REV3L: variants seen among roughly 807,000 people sequenced by gnomAD.
REV3L encodes the protein DNA polymerase zeta catalytic subunit.
In REV3L, 69 loss-of-function variants were observed where a neutral mutation model predicts 299.4. The observed-to-expected ratio is 0.23, with a 90% CI of 0.19 to 0.28. The LOEUF is 0.28. REV3L is among the 10% of genes least tolerant of loss of function. The probability of loss-of-function intolerance (pLI) is 1.00; values close to 1 mark genes in which losing one functional copy is unlikely to be tolerated. For missense variants in REV3L, 3,128 were observed against 3,693.8 expected (o/e 0.85, Z 3.97); for synonymous variants, 1,238 against 1,271.4 (o/e 0.97, Z 0.56).
rs145189634 is a variant in REV3L, at chr6:111,311,093, C to G, written c.8771G>C (p.Cys2924Ser). Reference sequence around the variant, plus strand: ...CCTTGTAAGTTCAAGGGCTGGCACACAAGCTCCTGGTTTATAAGAAAAACT... The same window carrying G: ...CCTTGTAAGTTCAAGGGCTGGCACAGAAGCTCCTGGTTTATAAGAAAAACT... Reference protein sequence around the residue: ...RGSFSYKPGACVPALELTRKM... With the variant: ...RGSFSYKPGASVPALELTRKM... Residue 2924 changes from cysteine (C) to serine (S), a missense_variant, in exon 29 of 32, where the codon TGT (cysteine) becomes TCT (serine). Physicochemically the swap from Cys to Ser is moderately radical, Grantham distance 112 (BLOSUM62 -1). Around this residue, in one of 9 missense-constraint regions of REV3L, gnomAD observed 294 missense variants for 377.0 expected, o/e 0.78. Transcript: ENST00000368802. 4.3e-6 allele frequency: 7 copies of G among 1,613,384 alleles called. No homozygotes were observed. Among genetic ancestry groups the G allele is most frequent in the Non-Finnish European group, 2.5e-6 (3 of 1,179,704 alleles).
intron 14 of REV3L, 33 bp downstream of exon 14, chr6:111,367,082 A>C: frequency 6.8e-7 from 1 of 1,473,768 alleles, no homozygotes. Flanking sequence ...CTGAAGAACA[A>C]TTATGGAGAC....
intron 4 of REV3L, among the ~76,000 whole-genome samples, chr6:111,402,333 T>C (rs1222078955): frequency 1.3e-5 from 2 of 152,096 alleles, no homozygotes; most frequent in Non-Finnish European, 2.9e-5. Flanking sequence ...AGAATATGCA[T>C]TTGAGGCCCT....
chr6:111,358,258 T>C (rs906679928), intron 17 of REV3L, among the ~76,000 whole-genome samples: 1 of 152,184 alleles, frequency 6.6e-6, no homozygotes, highest in Non-Finnish European at 1.5e-5. Flanking sequence ...CATTAACTTA[T>C]AGTGGTAAGA....
chr6:111,415,455 A>G (rs1784659781), intron 2 of REV3L, among the ~76,000 whole-genome samples: 1 of 152,188 alleles, frequency 6.6e-6, no homozygotes, highest in African/African-American at 2.4e-5. Context: ...TTGAGTGTAT[A>G]GTAGCTGGGG....
At chr6:111,300,189 G>A (rs751446682) in intron 31 of REV3L, 33 bp from the exon 32 acceptor site, 3 of 1,536,114 alleles carry the variant, frequency 2.0e-6, no homozygotes, top group Non-Finnish European at 8.7e-7. Flanking sequence ...AAAAATAATA[G>A]GAAAGTTTTT....
intron 1 of REV3L, among the ~76,000 whole-genome samples, chr6:111,470,286 GA>G (rs2128336492): frequency 6.6e-6 from 1 of 152,218 alleles, no homozygotes; most frequent in African/African-American, 2.4e-5. Flanking sequence ...GGAAGTGTTA[GA>G]AGACACTCAT....
intron 26 of REV3L, among the ~76,000 whole-genome samples, chr6:111,318,317 C>G (rs1773757424): frequency 6.7e-6 from 1 of 150,188 alleles, no homozygotes; most frequent in South Asian, 2.1e-4. Flanking sequence ...TCCATCTGCC[C>G]GCCTGTATTT....
chr6:111,302,064 C>T (rs1017118003), intron 31 of REV3L, among the ~76,000 whole-genome samples: 2 of 152,124 alleles, frequency 1.3e-5, no homozygotes, highest in African/African-American at 4.8e-5. Flanking sequence ...GGCTCACAGG[C>T]CAGTGAAGTT....
At chr6:111,480,359 T>C (rs1226643403) in intron 1 of REV3L, among the ~76,000 whole-genome samples, 1 of 152,180 alleles carries the variant, frequency 6.6e-6, no homozygotes. Flanking sequence ...AATAAATCTG[T>C]CTTCATTAAA....
chr6:111,462,384 A>T lies in REV3L; in HGVS notation c.139+20366T>A, dbSNP rs1790885103. ...GAACAAGGAATATTACCAGAGATAA[A>T]GAGGCTGTCCGCCAGAAAGGCACAC... On this transcript the variant is annotated intron_variant, in intron 1 of 31. Transcript: ENST00000368802. 2.0e-5 allele frequency among the ~76,000 whole-genome samples: 3 copies of T among 152,216 alleles called. No homozygotes were observed. The South Asian group carries it at 6.2e-4, about 31-fold the overall frequency.
At chr6:111,411,227 C>T (rs1167440791) in intron 3 of REV3L, among the ~76,000 whole-genome samples, 1 of 152,100 alleles carries the variant, frequency 6.6e-6, no homozygotes, top group Non-Finnish European at 1.5e-5. Flanking sequence ...ACAAGGCAGC[C>T]GTAATCTCTC....
Position 111,343,973 on chromosome 6 carries a change from G to A in REV3L, c.7490C>T (p.Thr2497Ile). The A allele has an allele frequency of 1.2e-6, 2 of 1,613,514 alleles. No homozygotes were observed. Among genetic ancestry groups the A allele is most frequent in the Non-Finnish European group, 1.7e-6 (2 of 1,179,748 alleles). Residue 2497 changes from threonine (T) to isoleucine (I), a missense_variant, in exon 21 of 32, where the codon ACC (threonine) becomes ATC (isoleucine). By Grantham distance (89) the Thr-to-Ile change is moderately conservative (BLOSUM62 -1). Transcript: ENST00000368802. ...HVLHQRFPLFTFRVLSDWFDN... is the reference protein window; with the variant it reads ...HVLHQRFPLFIFRVLSDWFDN... ...AAACCAGTCTGACAAGACTCGAAAG[G>A]TAAAGAGGGGAAAACGCTGATGAAG...
At chr6:111,447,333 CACTT>C (rs1788980491) in intron 1 of REV3L, among the ~76,000 whole-genome samples, 2 of 152,146 alleles carry the variant, frequency 1.3e-5, no homozygotes, top group Admixed American at 6.6e-5. Flanking sequence ...TATTAGAAAA[CACTT>C]ACAGAGAAAA....
chr6:111,307,524 T>G lies in REV3L; in HGVS notation c.9089A>C (p.Lys3030Thr), dbSNP rs770943768. 1 of 1,614,244 alleles carries G rather than the reference T, an allele frequency of 6.2e-7. No homozygotes were observed. ...AGTAAAATATTGTGAAATAGTGCCT[T>G]TCCGCCCTTCAGGTTCACTTCGCGA... Reference protein sequence around the residue: ...SSSRSEPEGRKGTISQYFTTL... With the variant: ...SSSRSEPEGRTGTISQYFTTL... Residue 3030 changes from lysine to threonine, a missense_variant, in exon 31 of 32, where the codon AAA becomes ACA. Physicochemically the swap from Lys to Thr is moderately conservative, Grantham distance 78 (BLOSUM62 -1). Transcript: ENST00000368802.
chr6:111,449,253 C>T (rs1246807568), intron 1 of REV3L, among the ~76,000 whole-genome samples: 1 of 152,180 alleles, frequency 6.6e-6, no homozygotes, highest in Non-Finnish European at 1.5e-5. Context: ...GTAAGTCCTT[C>T]TTCAATAGCT....
intron 28 of REV3L, chr6:111,311,570 C>G (rs1203207785): frequency 5.7e-6 from 1 of 175,776 alleles, no homozygotes; most frequent in African/African-American, 2.4e-5. Context: ...ATAGTCAAAG[C>G]CTCTAGGTAC....
intron 25 of REV3L, among the ~76,000 whole-genome samples, chr6:111,325,506 TCTC>T (rs1232793158): frequency 1.3e-5 from 2 of 152,246 alleles, no homozygotes; most frequent in African/African-American, 2.4e-5. Context: ...TTCTCCATAT[TCTC>T]CTTATATGCT....
rs559392720 is a variant in REV3L at position 111,427,252 on chromosome 6, T to C, written c.140-10780A>G. 3.8e-4 allele frequency among the ~76,000 whole-genome samples: 58 copies of C among 152,252 alleles called. 3 individuals carry two copies. In the South Asian group the frequency reaches 0.011, roughly 29 times the overall value. ...TCAACCATATTTTATGGTAGCTGAA[T>C]ACTAAAGGACCTTAAGCTTTTACCT... On this transcript the variant is annotated intron_variant, in intron 1 of 31. Transcript: ENST00000368802.
At chr6:111,442,595 G>A (rs770571386) in intron 1 of REV3L, among the ~76,000 whole-genome samples, 43 of 152,116 alleles carry the variant, frequency 2.8e-4, no homozygotes, top group Admixed American at 1.4e-3. Flanking sequence ...ATAAGTCCAC[G>A]TAAAACTAAT....
Sources: gnomAD v4.1 joint callset for allele counts (sites outside exome capture counted in the v4.1 genomes callset) on GRCh38, gnomAD v4.1.1 for gene constraint, gnomAD v4.1.1 regional missense constraint, MANE v1.5 for transcripts, NCBI Gene and HGNC (gene_info 2026-07-23, HGNC 2026-07-21) for gene names.